GRIA3: variants seen among roughly 807,000 people sequenced by gnomAD.
GRIA3 encodes the protein glutamate receptor 3.
In GRIA3, 3 loss-of-function variants were observed where a neutral mutation model predicts 63.0. That is an observed-to-expected ratio of 0.05 (90% confidence interval 0.02 to 0.12). The LOEUF is 0.12. GRIA3 is among the 10% of genes least tolerant of loss of function. GRIA3 has a pLI of 1.00. For synonymous variants in GRIA3, 274 were observed against 257.9 expected (o/e 1.06, Z -0.60); for missense variants, 347 against 700.9 (o/e 0.50, Z 5.70).
At chrX:123,287,661 C>T (rs1011752404) in intron 3 of GRIA3, among the ~76,000 whole-genome samples, 1 of 111,681 alleles carries the variant, frequency 9.0e-6, no homozygotes, top group Admixed American at 9.5e-5. Flanking sequence ...AACTCCCATT[C>T]ACAATTGCTA....
chrX:123,281,420 A>G (rs2044585098), intron 3 of GRIA3, among the ~76,000 whole-genome samples: 1 of 112,227 alleles, frequency 8.9e-6, no homozygotes, highest in Non-Finnish European at 1.9e-5. Context: ...AAAGAATTCT[A>G]GTATTTGAAA....
At chrX:123,323,969 C>T (rs2044884447) in intron 3 of GRIA3, among the ~76,000 whole-genome samples, 1 of 112,080 alleles carries the variant, frequency 8.9e-6, no homozygotes, top group Non-Finnish European at 1.9e-5. Flanking sequence ...TCAGATCACA[C>T]TGGAATTATC....
intron 5 of GRIA3, among the ~76,000 whole-genome samples, chrX:123,379,149 C>T (rs1603122841): frequency 9.0e-6 from 1 of 111,276 alleles, no homozygotes; most frequent in African/African-American, 3.3e-5. Flanking sequence ...AGGAGCCAGC[C>T]AACTTCTCCC....
chrX:123,318,717 C>G (rs763046903), intron 3 of GRIA3, among the ~76,000 whole-genome samples: 2 of 111,827 alleles, frequency 1.8e-5, no homozygotes, highest in Admixed American at 1.9e-4. Context: ...CAAACTTTCC[C>G]ACATTTTCCT....
At chrX:123,474,636 T>G (rs1295276605) in intron 13 of GRIA3, among the ~76,000 whole-genome samples, 1 of 111,195 alleles carries the variant, frequency 9.0e-6, no homozygotes, top group African/African-American at 3.3e-5. Context: ...TGAGCCGAGA[T>G]CATGCCACTG....
intron 1 of GRIA3, among the ~76,000 whole-genome samples, chrX:123,185,249 C>T (rs1927230645): frequency 9.0e-6 from 1 of 111,483 alleles, no homozygotes; most frequent in Non-Finnish European, 1.9e-5. Flanking sequence ...ACGCAGACCA[C>T]GAATTCATGA....
chrX:123,237,013 C>T (rs891896294), intron 2 of GRIA3, among the ~76,000 whole-genome samples: 6 of 111,985 alleles, frequency 5.4e-5, no homozygotes, highest in Admixed American at 4.7e-4. Flanking sequence ...CCAAGTGCTG[C>T]TGGCAGTCAC....
intron 10 of GRIA3, among the ~76,000 whole-genome samples, chrX:123,405,356 C>A (rs1376217189): frequency 9.0e-6 from 1 of 111,567 alleles, no homozygotes; most frequent in South Asian, 3.8e-4. Context: ...ACACTCTTCA[C>A]CCCCACCATC....
intron 2 of GRIA3, among the ~76,000 whole-genome samples, chrX:123,228,701 T>G (rs780785145): frequency 9.0e-6 from 1 of 111,497 alleles, no homozygotes; most frequent in Non-Finnish European, 1.9e-5. Flanking sequence ...TCCAAAATCA[T>G]TCACTCTCAT....
intron 4 of GRIA3, among the ~76,000 whole-genome samples, chrX:123,335,189 G>A (rs1353738768): frequency 9.0e-6 from 1 of 110,896 alleles, no homozygotes; most frequent in Non-Finnish European, 1.9e-5. Flanking sequence ...GAGACTTGGA[G>A]ACAGAGATGA....
chrX:123,215,059 A>G (rs980992512), intron 2 of GRIA3, among the ~76,000 whole-genome samples: 1 of 112,139 alleles, frequency 8.9e-6, no homozygotes, highest in African/African-American at 3.2e-5. Context: ...AAAAATTCCA[A>G]AATGGAAACT....
intron 12 of GRIA3, among the ~76,000 whole-genome samples, chrX:123,457,749 T>C (rs1405462838): frequency 8.9e-6 from 1 of 112,010 alleles, no homozygotes; most frequent in African/African-American, 3.2e-5. Flanking sequence ...ATTTTGGTAA[T>C]TCAGTTAATT....
At chrX:123,312,552 G>A (rs73229279) in intron 3 of GRIA3, among the ~76,000 whole-genome samples, 19,238 of 111,269 alleles carry the variant, frequency 0.17, 1,361 homozygotes, top group Non-Finnish European at 0.22. Flanking sequence ...TGGAGCCTGC[G>A]TAGATTAGAG....
At chrX:123,418,883 A>C (rs996744182) in intron 11 of GRIA3, among the ~76,000 whole-genome samples, 14 of 112,622 alleles carry the variant, frequency 1.2e-4, no homozygotes, top group African/African-American at 4.5e-4. Context: ...AATATAACAC[A>C]GCAATTCTAT....
intron 12 of GRIA3, among the ~76,000 whole-genome samples, chrX:123,455,524 C>T (rs1194269085): frequency 9.0e-6 from 1 of 111,669 alleles, no homozygotes; most frequent in Non-Finnish European, 1.9e-5. Flanking sequence ...AAAATGTGTC[C>T]GATGCATTTG....
chrX:123,427,728 T>C (rs968451338), intron 11 of GRIA3, among the ~76,000 whole-genome samples: 7 of 110,836 alleles, frequency 6.3e-5, no homozygotes, highest in Admixed American at 5.8e-4. Flanking sequence ...CTGACAAGTA[T>C]TATGCATGCA....
rs935523182 is a variant in GRIA3 at position 123,216,228 on chromosome X, T to C, written c.268+30238T>C. 2.7e-5 allele frequency among the ~76,000 whole-genome samples: 3 copies of C among 111,737 alleles called. No individual in the cohort carries two copies. The Admixed American group carries it at 2.8e-4, about 11-fold the overall frequency. ...GCAACTTGTCAAGAGAGTTGGAGAT[T>C]TTTTCCATCGTTATTTTTCAAAACC... is the stretch of plus-strand genomic sequence containing the variant. On this transcript the variant is annotated intron_variant, in intron 2 of 15. Coordinates refer to ENST00000620443, the MANE Select transcript of GRIA3 (RefSeq NM_007325.5).
intron 11 of GRIA3, among the ~76,000 whole-genome samples, chrX:123,418,487 A>G (rs1239335026): frequency 8.9e-6 from 1 of 112,208 alleles, no homozygotes; most frequent in Non-Finnish European, 1.9e-5. Flanking sequence ...CTGGGAGAAA[A>G]CATTAGTAAA....
At chrX:123,309,363 G>GAA (rs11402366) in intron 3 of GRIA3, among the ~76,000 whole-genome samples, 126 of 91,212 alleles carry the variant, frequency 1.4e-3, no homozygotes, top group African/African-American at 3.0e-3. Flanking sequence ...AGATACTCTG[G>GAA]AAAAAAAAAA....
Sources: gnomAD v4.1 joint callset for allele counts (sites outside exome capture counted in the v4.1 genomes callset) on GRCh38, gnomAD v4.1.1 for gene constraint, MANE v1.5 for transcripts, NCBI Gene and HGNC (gene_info 2026-07-23, HGNC 2026-07-21) for gene names.